Variants in CSMD3 observed in about 807,000 individuals in gnomAD.
CSMD3 encodes the protein CUB and sushi domain-containing protein 3.
Under a neutral mutation model 435.2 loss-of-function variants are expected in CSMD3, and 177 were observed. The observed-to-expected ratio is 0.41, with a 90% confidence interval of 0.36 to 0.46. CSMD3 has a LOEUF of 0.46. Among genes scored for constraint, CSMD3 ranks in the 20% least tolerant of loss-of-function variants. The probability of loss-of-function intolerance (pLI) is 0.34; values close to 1 mark genes in which losing one functional copy is unlikely to be tolerated. For missense variants in CSMD3, 4,265 were observed against 4,504.6 expected (o/e 0.95, Z 1.52); for synonymous variants, 1,656 against 1,520.5 (o/e 1.09, Z -2.07).
At chr8:112,562,963 A>G (rs907373656) in intron 24 of CSMD3, among the ~76,000 whole-genome samples, 6 of 151,802 alleles carry the variant, frequency 4.0e-5, no homozygotes, top group South Asian at 2.1e-4. Context: ...AGTTTTTACT[A>G]TTGCCACATA....
intron 53 of CSMD3, among the ~76,000 whole-genome samples, chr8:112,297,748 G>A (rs1370292593): frequency 1.3e-5 from 2 of 152,026 alleles, no homozygotes; most frequent in Non-Finnish European, 2.9e-5. Flanking sequence ...AATTTAGAAA[G>A]GTTGTAGAAT....
At chr8:112,561,414 C>T (rs1828612006) in intron 24 of CSMD3, among the ~76,000 whole-genome samples, 1 of 151,358 alleles carries the variant, frequency 6.6e-6, no homozygotes, top group African/African-American at 2.4e-5. Flanking sequence ...TTCCTGCCAC[C>T]GTGTAGCATA....
chr8:112,609,486 A>G (rs902332857), intron 22 of CSMD3, among the ~76,000 whole-genome samples: 2 of 152,074 alleles, frequency 1.3e-5, no homozygotes, highest in Non-Finnish European at 2.9e-5. Context: ...ATCTGTTAGC[A>G]TGTCTATTGT....
At chr8:112,772,720 G>A (rs1225418568) in intron 13 of CSMD3, among the ~76,000 whole-genome samples, 2 of 152,060 alleles carry the variant, frequency 1.3e-5, no homozygotes, top group African/African-American at 4.8e-5. Flanking sequence ...AAGCCCGATT[G>A]TATATTCCAT....
intron 45 of CSMD3, among the ~76,000 whole-genome samples, chr8:112,332,943 A>G (rs576356152): frequency 5.9e-5 from 9 of 152,160 alleles, no homozygotes; most frequent in Non-Finnish European, 1.2e-4. Flanking sequence ...GCTATGTAAA[A>G]TTGCCCATAG....
chr8:113,222,649 A>G (rs2092982216), intron 3 of CSMD3, among the ~76,000 whole-genome samples: 1 of 151,064 alleles, frequency 6.6e-6, no homozygotes, highest in Non-Finnish European at 1.5e-5. Context: ...TGTATTATAA[A>G]TCACTAAATG....
At chr8:113,323,175 G>A (rs751513442) in intron 1 of CSMD3, among the ~76,000 whole-genome samples, 1 of 152,152 alleles carries the variant, frequency 6.6e-6, no homozygotes, top group Non-Finnish European at 1.5e-5. Flanking sequence ...TAGTTTACTC[G>A]TCTGTTTTCA....
chr8:112,584,504 A>G (rs1830567561), intron 23 of CSMD3, among the ~76,000 whole-genome samples: 1 of 151,800 alleles, frequency 6.6e-6, no homozygotes, highest in East Asian at 1.9e-4. Flanking sequence ...ACTCTGAGAT[A>G]AAAGTTGTAC....
chr8:112,819,364 T>C (rs1480412175), intron 12 of CSMD3, among the ~76,000 whole-genome samples: 2 of 152,182 alleles, frequency 1.3e-5, no homozygotes, highest in African/African-American at 4.8e-5. Flanking sequence ...GCAGAGGGAC[T>C]TTCCAATTCC....
intron 22 of CSMD3, among the ~76,000 whole-genome samples, chr8:112,605,463 CAT>C (rs1473485764): frequency 6.6e-6 from 1 of 152,096 alleles, no homozygotes; most frequent in Non-Finnish European, 1.5e-5. Flanking sequence ...GGAATGAACT[CAT>C]GTTCTCTGCA....
chr8:112,696,533 T>C (rs1437547676), intron 13 of CSMD3, among the ~76,000 whole-genome samples: 1 of 152,140 alleles, frequency 6.6e-6, no homozygotes, highest in Non-Finnish European at 1.5e-5. Flanking sequence ...CATAGAAAGC[T>C]GAAACTGGAT....
chr8:112,597,464 C>G (rs1350057228), intron 22 of CSMD3, among the ~76,000 whole-genome samples: 6 of 128,506 alleles, frequency 4.7e-5, no homozygotes, highest in African/African-American at 1.9e-4. Context: ...ACCATTCCTT[C>G]TGAAACTATT....
Position 112,470,573 on chromosome 8 carries a change from G to A in CSMD3, c.5395+2018C>T, listed in dbSNP as rs186645185. Among the ~76,000 whole-genome samples the A allele has an allele frequency of 6.6e-5, 10 of 152,030 alleles. No homozygotes were observed. In the East Asian group the frequency reaches 1.9e-3, roughly 29 times the overall value. ...AACCCAGAAATCTGACTTGAAAGCTGGCATTCGTTAACCCAATGATATTAA... is the reference window on the plus strand; with the variant it reads ...AACCCAGAAATCTGACTTGAAAGCTAGCATTCGTTAACCCAATGATATTAA... On this transcript the variant is annotated intron_variant, in intron 32 of 70. Coordinates refer to ENST00000297405, the MANE Select transcript of CSMD3 (RefSeq NM_198123.2).
At chr8:113,062,197 CA>C (rs1238538507) in intron 5 of CSMD3, among the ~76,000 whole-genome samples, 1 of 151,510 alleles carries the variant, frequency 6.6e-6, no homozygotes, top group Non-Finnish European at 1.5e-5. Flanking sequence ...GGTTTTTGTA[CA>C]AAAAAAGTTC....
At chr8:112,245,350 G>T (rs1313880615) in intron 64 of CSMD3, among the ~76,000 whole-genome samples, 9 of 151,954 alleles carry the variant, frequency 5.9e-5, no homozygotes, top group African/African-American at 2.2e-4. Context: ...GAAACAGATA[G>T]CATTTTTTAA....
At chr8:113,006,057 T>C (rs1333406816) in intron 6 of CSMD3, among the ~76,000 whole-genome samples, 9 of 152,036 alleles carry the variant, frequency 5.9e-5, no homozygotes, top group Admixed American at 3.3e-4. Flanking sequence ...ACTTCAAGAC[T>C]ACAAGTTTTA....
intron 18 of CSMD3, among the ~76,000 whole-genome samples, chr8:112,652,745 T>C (rs1391834269): frequency 6.6e-6 from 1 of 152,230 alleles, no homozygotes; most frequent in African/African-American, 2.4e-5. Flanking sequence ...CATGAGGAAC[T>C]GATATCAGTA....
chr8:112,324,335 G>A (rs941912481), intron 45 of CSMD3, among the ~76,000 whole-genome samples: 12 of 151,978 alleles, frequency 7.9e-5, no homozygotes, highest in Admixed American at 1.3e-4. Flanking sequence ...TTCACGTTCC[G>A]CGTATAGCTT....
chr8:113,334,283 T>TG (rs953017428), intron 1 of CSMD3, among the ~76,000 whole-genome samples: 2 of 91,708 alleles, frequency 2.2e-5, no homozygotes, highest in African/African-American at 3.2e-5. Flanking sequence ...TTAAGTTTTT[T>TG]TTTTTTTTTT....
Sources: gnomAD v4.1 joint callset for allele counts (sites outside exome capture counted in the v4.1 genomes callset) on GRCh38, gnomAD v4.1.1 for gene constraint, MANE v1.5 for transcripts, NCBI Gene and HGNC (gene_info 2026-07-23, HGNC 2026-07-21) for gene names.